Variants in CTNNA2 observed in about 807,000 individuals in gnomAD.
CTNNA2 encodes the protein catenin alpha 2.
In CTNNA2, 42 loss-of-function variants were observed where a neutral mutation model predicts 101.0. The ratio of observed to expected loss-of-function variants is 0.42; its 90% CI spans 0.32 to 0.54. The LOEUF is 0.54. Among genes scored for constraint, CTNNA2 ranks in the 20% least tolerant of loss-of-function variants. The probability of loss-of-function intolerance (pLI) is 0.14; values close to 1 mark genes in which losing one functional copy is unlikely to be tolerated. For missense variants in CTNNA2, 871 were observed against 1,223.1 expected (o/e 0.71, Z 4.29); for synonymous variants, 450 against 456.4 (o/e 0.99, Z 0.18).
chr2:79,744,293 T>C (rs1433520563), intron 2 of CTNNA2, 94 bp from the exon 3 acceptor site: 3 of 1,244,936 alleles, frequency 2.4e-6, no homozygotes, highest in African/African-American at 3.0e-5. Flanking sequence ...AATCCCATGA[T>C]TTAATAAACA....
chr2:79,280,242 C>G (rs1263130397), intron 2 of CTNNA2, among the ~76,000 whole-genome samples: 1 of 152,100 alleles, frequency 6.6e-6, no homozygotes, highest in African/African-American at 2.4e-5. Context: ...CAGATCTATG[C>G]CTCCACCCTA....
chr2:80,282,623 A>G (rs1674468978), intron 7 of CTNNA2, among the ~76,000 whole-genome samples: 1 of 152,186 alleles, frequency 6.6e-6, no homozygotes, highest in Admixed American at 6.5e-5. Flanking sequence ...TCTCAGATAT[A>G]TAATCTCATA....
Position 79,440,378 on chromosome 2 carries a change from T to C in CTNNA2, c.-134-64676T>C, listed in dbSNP as rs548459553. The stretch of plus-strand genomic sequence containing the variant: ...TCTGGAACCAATGCGCTGGAGGGTA[T>C]TCTCTCTTGGCCATTGCTGTGTGGT... On this transcript the variant is annotated intron_variant, in intron 4 of 21. Transcript: ENST00000466387. Among the ~76,000 whole-genome samples the C allele has an allele frequency of 7.2e-5, 11 of 152,280 alleles. No homozygotes were observed. In the South Asian group the frequency reaches 2.3e-3, roughly 32 times the overall value.
intron 2 of CTNNA2, among the ~76,000 whole-genome samples, chr2:79,259,221 C>T (rs1674889030): frequency 6.6e-6 from 1 of 152,148 alleles, no homozygotes; most frequent in African/African-American, 2.4e-5. Context: ...GCTTTCTGTG[C>T]TTATTCTCCC....
At chr2:80,340,774 T>C (rs933463397) in intron 7 of CTNNA2, among the ~76,000 whole-genome samples, 1 of 152,182 alleles carries the variant, frequency 6.6e-6, no homozygotes, top group African/African-American at 2.4e-5. Context: ...TCTGACATTA[T>C]CTACCTGGAG....
At chr2:80,445,873 G>A (rs1683029952) in intron 9 of CTNNA2, among the ~76,000 whole-genome samples, 1 of 152,126 alleles carries the variant, frequency 6.6e-6, no homozygotes, top group Non-Finnish European at 1.5e-5. Flanking sequence ...TCAAGATCAG[G>A]TGCCCTAGTT....
intron 6 of CTNNA2, among the ~76,000 whole-genome samples, chr2:79,878,366 G>A (rs1193457088): frequency 2.0e-5 from 3 of 152,072 alleles, no homozygotes; most frequent in Non-Finnish European, 4.4e-5. Flanking sequence ...GGTATTTCTG[G>A]TTCTAGATCT....
intron 9 of CTNNA2, among the ~76,000 whole-genome samples, chr2:80,520,772 T>C (rs1313677823): frequency 6.6e-6 from 1 of 152,188 alleles, no homozygotes; most frequent in Admixed American, 6.5e-5. Flanking sequence ...ACTGAGAGAC[T>C]CTAAAGAGCA....
In CTNNA2 at chr2:79,283,577, G is replaced by A. The variant is rs376753428; in HGVS notation, c.-405-29132G>A. 1.4e-4 allele frequency among the ~76,000 whole-genome samples: 19 copies of A among 140,314 alleles called. 1 individual carries two copies. The East Asian group carries it at 1.7e-3, about 13-fold the overall frequency. 92.1% of individuals were successfully genotyped at this position (140,314 alleles called of 152,430 possible). On this transcript the variant is annotated intron_variant, in intron 2 of 21. Coordinates refer to the CTNNA2 transcript ENST00000466387. Reference sequence around the variant, plus strand: ...AAAGATCAGATAGTTGTAGATATGCGGCGTTATTTCTGAGGGCTCTGTTCT... The same window carrying A: ...AAAGATCAGATAGTTGTAGATATGCAGCGTTATTTCTGAGGGCTCTGTTCT...
intron 7 of CTNNA2, among the ~76,000 whole-genome samples, chr2:80,352,662 A>G (rs1673416565): frequency 6.6e-6 from 1 of 152,142 alleles, no homozygotes; most frequent in Non-Finnish European, 1.5e-5. Flanking sequence ...TTAGGGCATG[A>G]TTTATTATTT....
chr2:79,652,962 T>C (rs1317476417), intron 2 of CTNNA2, among the ~76,000 whole-genome samples: 2 of 152,318 alleles, frequency 1.3e-5, no homozygotes, highest in South Asian at 2.1e-4. Flanking sequence ...CTTTATAATC[T>C]GTCCTTGAGC....
intron 7 of CTNNA2, among the ~76,000 whole-genome samples, chr2:80,146,055 AG>A (rs1415938498): frequency 6.6e-6 from 1 of 152,142 alleles, no homozygotes; most frequent in East Asian, 1.9e-4. Context: ...AGCCATTTGC[AG>A]TACTTTCTCT....
chr2:79,933,472 T>G (rs1236419547), intron 7 of CTNNA2, among the ~76,000 whole-genome samples: 3 of 148,054 alleles, frequency 2.0e-5, no homozygotes, highest in Non-Finnish European at 4.5e-5. Context: ...TTTTTTTTTT[T>G]GAGATGGAGT....
intron 7 of CTNNA2, among the ~76,000 whole-genome samples, chr2:80,324,210 C>G (rs1258361721): frequency 1.3e-5 from 2 of 152,160 alleles, no homozygotes; most frequent in African/African-American, 4.8e-5. Flanking sequence ...TGAAGACTGT[C>G]AGAACCTCTC....
chr2:80,464,683 A>G (rs893480646), intron 9 of CTNNA2, among the ~76,000 whole-genome samples: 2 of 152,164 alleles, frequency 1.3e-5, no homozygotes, highest in Non-Finnish European at 1.5e-5. Context: ...TCTGGCATGC[A>G]CAATGTTCCT....
chr2:79,230,047 A>G (rs1431722428), intron 2 of CTNNA2, among the ~76,000 whole-genome samples: 1 of 152,222 alleles, frequency 6.6e-6, no homozygotes, highest in African/African-American at 2.4e-5. Context: ...CAGAGCATAA[A>G]AGTTTGGAAA....
At chr2:80,028,994 A>C (rs1285405357) in intron 7 of CTNNA2, among the ~76,000 whole-genome samples, 1 of 152,238 alleles carries the variant, frequency 6.6e-6, no homozygotes, top group Non-Finnish European at 1.5e-5. Context: ...GTAATTTGTC[A>C]TAGCCACAAT....
At chr2:79,276,883 A>C (rs935483830) in intron 2 of CTNNA2, among the ~76,000 whole-genome samples, 8 of 152,160 alleles carry the variant, frequency 5.3e-5, no homozygotes, top group Admixed American at 1.3e-4. Context: ...CACTGTGGTC[A>C]TCACAAGCCA....
intron 17 of CTNNA2, among the ~76,000 whole-genome samples, chr2:80,611,053 C>T (rs995254872): frequency 6.6e-6 from 1 of 151,250 alleles, no homozygotes; most frequent in African/African-American, 2.4e-5. Flanking sequence ...CAAAAAGTGA[C>T]ATTCTTATTA....
Sources: gnomAD v4.1 joint callset for allele counts (sites outside exome capture counted in the v4.1 genomes callset) on GRCh38, gnomAD v4.1.1 for gene constraint, MANE v1.5 for transcripts, NCBI Gene and HGNC (gene_info 2026-07-23, HGNC 2026-07-21) for gene names.